KLF12: variants seen among roughly 807,000 people sequenced by gnomAD.
The protein encoded by KLF12 is KLF transcription factor 12, also known as Krueppel-like factor 12.
In KLF12, 9 loss-of-function variants were observed where a neutral mutation model predicts 37.8. The observed-to-expected ratio is 0.24, with a 90% CI of 0.14 to 0.42. KLF12 has a LOEUF of 0.42. Among genes scored for constraint, KLF12 ranks in the 10% least tolerant of loss-of-function variants. KLF12 has a pLI of 1.00. For synonymous variants in KLF12, 208 were observed against 202.1 expected, an observed-to-expected ratio of 1.03 and a Z score of -0.25; for missense variants, 411 against 516.0, an observed-to-expected ratio of 0.80 and a Z score of 1.97.
intron 3 of KLF12, among the ~76,000 whole-genome samples, chr13:73,921,534 C>CTTT (rs1261738953): frequency 6.6e-6 from 1 of 152,072 alleles, no homozygotes; most frequent in African/African-American, 2.4e-5. Context: ...CACATAGGCA[C>CTTT]TTACATATTC....
At chr13:74,146,310 T>C in the KLF12 span, among the ~76,000 whole-genome samples, 1 of 152,202 alleles carries the variant, frequency 6.6e-6, no homozygotes. Context: ...CAGTTAACCC[T>C]TCAATAACCT....
At chr13:73,704,209 G>A (rs1002682018) in intron 7 of KLF12, among the ~76,000 whole-genome samples, 4 of 152,032 alleles carry the variant, frequency 2.6e-5, no homozygotes, top group Non-Finnish European at 4.4e-5. Context: ...CAACCTATAA[G>A]GGAAAAGACT....
chr13:74,286,892 T>C, the KLF12 span, among the ~76,000 whole-genome samples: 5 of 152,200 alleles, frequency 3.3e-5, no homozygotes, highest in African/African-American at 1.2e-4. Flanking sequence ...ACTCAGTAAA[T>C]GGAGGTAGAG....
chr13:73,893,263 G>T (rs1355545290), intron 3 of KLF12, among the ~76,000 whole-genome samples: 6 of 151,254 alleles, frequency 4.0e-5, no homozygotes, highest in Non-Finnish European at 8.8e-5. Context: ...TGTATGGTGT[G>T]GCTCTTCTCA....
At chr13:73,774,321 T>G (rs879423081) in intron 5 of KLF12, among the ~76,000 whole-genome samples, 16 of 151,184 alleles carry the variant, frequency 1.1e-4, no homozygotes, top group Admixed American at 9.2e-4. Flanking sequence ...TATATATATA[T>G]AGATTATACA....
the KLF12 span, among the ~76,000 whole-genome samples, chr13:74,219,024 T>C: frequency 6.7e-6 from 1 of 148,836 alleles, no homozygotes; most frequent in African/African-American, 2.5e-5. Flanking sequence ...GGCAGTGGGG[T>C]GACCTCAGCT....
At chr13:74,192,444 A>G in the KLF12 span, among the ~76,000 whole-genome samples, 3 of 152,302 alleles carry the variant, frequency 2.0e-5, no homozygotes, top group Middle Eastern at 6.8e-3. Context: ...AGATTTACAA[A>G]TACCCATTAG....
intron 3 of KLF12, among the ~76,000 whole-genome samples, chr13:73,915,575 C>T (rs1186148384): frequency 2.6e-5 from 4 of 151,626 alleles, no homozygotes; most frequent in Admixed American, 6.6e-5. Flanking sequence ...TGCAGTGGCA[C>T]GATCTTGGCT....
At chr13:73,725,879 A>ATTTT (rs1555297269) in intron 6 of KLF12, among the ~76,000 whole-genome samples, 6 of 140,084 alleles carry the variant, frequency 4.3e-5, no homozygotes, top group Non-Finnish European at 7.7e-5. Flanking sequence ...TTATTTATTT[A>ATTTT]TTTTTTGAGA....
chr13:73,844,907 G>A (rs1884932977), intron 4 of KLF12: 2 of 152,104 alleles, frequency 1.3e-5, no homozygotes, highest in Non-Finnish European at 2.9e-5. Flanking sequence ...ACTTTAAAAG[G>A]GAATAAGTCA....
chr13:73,960,381 T>C (rs1455136775), intron 2 of KLF12: 1 of 298,152 alleles, frequency 3.4e-6, no homozygotes, highest in Non-Finnish European at 7.7e-6. Context: ...TGCTTTGACA[T>C]GTTTTCTCAC....
chr13:73,874,717 A>T lies in KLF12; in HGVS notation c.124-28344T>A, dbSNP rs543311647. 7.9e-5 allele frequency among the ~76,000 whole-genome samples: 12 copies of T among 152,284 alleles called. No homozygotes were observed. In the South Asian group the frequency reaches 2.1e-3, roughly 26 times the overall value. On this transcript the variant is annotated intron_variant, in intron 3 of 7. Transcript: ENST00000377669. ...TTGAGTGAAACCATTAACTACTCCC[A>T]ATTCAAGTGACTGAAACTAAGAAAC...
At chr13:74,003,755 A>G (rs1268106980) in intron 1 of KLF12, among the ~76,000 whole-genome samples, 1 of 152,236 alleles carries the variant, frequency 6.6e-6, no homozygotes, top group Non-Finnish European at 1.5e-5. Context: ...ACATGTACAC[A>G]TACACAGCTA....
intron 2 of KLF12, among the ~76,000 whole-genome samples, chr13:73,971,982 T>C (rs1891358522): frequency 6.6e-6 from 1 of 152,178 alleles, no homozygotes; most frequent in African/African-American, 2.4e-5. Flanking sequence ...ATTACACTCA[T>C]CAAATCAGAC....
At chr13:74,096,694 A>G (rs748843149) in intron 1 of KLF12, among the ~76,000 whole-genome samples, 1 of 152,186 alleles carries the variant, frequency 6.6e-6, no homozygotes, top group Non-Finnish European at 1.5e-5. Context: ...CTTGGTTCAC[A>G]ACGTGGTTAC....
the KLF12 span, among the ~76,000 whole-genome samples, chr13:74,185,035 G>T: frequency 2.0e-5 from 3 of 151,996 alleles, no homozygotes; most frequent in African/African-American, 7.3e-5. Context: ...TTTAAATCAG[G>T]TACTGGTGGT....
chr13:74,260,241 G>A, the KLF12 span, among the ~76,000 whole-genome samples: 3 of 152,020 alleles, frequency 2.0e-5, no homozygotes, highest in East Asian at 3.9e-4. Flanking sequence ...TCTCTCATGT[G>A]ACACATAGCA....
rs188487296 is a variant in KLF12, at chr13:73,802,307, T to C, written c.806+10845A>G. 9.9e-5 allele frequency: 15 copies of C among 152,266 alleles called. No homozygotes were observed. In the East Asian group the frequency reaches 1.4e-3, roughly 14 times the overall value. 9.4% of individuals were successfully genotyped at this position (152,266 alleles called of 1,614,324 possible). Reference sequence around the variant, plus strand: ...CATCAATTTTTAGGGAAAAAAGTACTTAATGGCTGCTAGAAGATATTAGTC... The same window carrying C: ...CATCAATTTTTAGGGAAAAAAGTACCTAATGGCTGCTAGAAGATATTAGTC... On this transcript the variant is annotated intron_variant, in intron 5 of 7. Transcript: ENST00000377669.
chr13:74,013,036 A>G (rs540714591), intron 1 of KLF12, among the ~76,000 whole-genome samples: 56 of 152,216 alleles, frequency 3.7e-4, no homozygotes, highest in Non-Finnish European at 7.1e-4. Flanking sequence ...GAACATGTAG[A>G]TTTCTTTCTT....
Sources: gnomAD v4.1 joint callset for allele counts (sites outside exome capture counted in the v4.1 genomes callset) on GRCh38, gnomAD v4.1.1 for gene constraint, MANE v1.5 for transcripts, NCBI Gene and HGNC (gene_info 2026-07-23, HGNC 2026-07-21) for gene names.